Variants in MYT1 observed in about 807,000 individuals in gnomAD.
The protein encoded by MYT1 is myelin transcription factor 1.
MYT1 carries 23 observed loss-of-function variants against 123.0 expected under a neutral mutation model. That is an observed-to-expected ratio of 0.19 (90% CI 0.13 to 0.26). MYT1 has a LOEUF of 0.26. Among genes scored for constraint, MYT1 ranks in the 10% least tolerant of loss-of-function variants. The probability of loss-of-function intolerance (pLI) is 1.00; values close to 1 mark genes in which losing one functional copy is unlikely to be tolerated. For synonymous variants in MYT1, 518 were observed against 575.3 expected (o/e 0.90, Z 1.43); for missense variants, 1,125 against 1,472.5 (o/e 0.76, Z 3.86).
chr20:64,201,963 C>CT (rs1568708133), intron 4 of MYT1, among the ~76,000 whole-genome samples: 2 of 146,658 alleles, frequency 1.4e-5, no homozygotes, highest in Non-Finnish European at 3.0e-5. Flanking sequence ...TGTCGGGAAC[C>CT]CCCGCGTGTC....
chr20:64,223,643 C>T (rs937140475), intron 16 of MYT1, among the ~76,000 whole-genome samples: 3 of 152,268 alleles, frequency 2.0e-5, no homozygotes, highest in African/African-American at 7.2e-5. Context: ...CCCCCACCCT[C>T]CAGCCTCTCC....
At position 64,227,969 on chromosome 20, in the gene MYT1, G is replaced by A. The variant is rs754860402; in HGVS notation, c.2673G>A (p.Met891Ile). The change falls in exon 18 of 23, where the codon ATG becomes ATA. Residue 891 changes from methionine to isoleucine, a missense_variant and splice_region_variant. By Grantham distance (10) the Met-to-Ile change is conservative (BLOSUM62 1). Coordinates refer to ENST00000328439, the MANE Select transcript of MYT1 (RefSeq NM_004535.3). ...ACGACAAGGAGGACCCCGAGCTGAT[G>A]AAGTACGTTGGGCCATGCTGGCTCT... The part of the protein sequence containing the change: ...TKDDKEDPEL[M>I]KCPVPGCVGL... 1.2e-6 allele frequency: 2 copies of A among 1,614,006 alleles called. No homozygotes were observed. The highest frequency in any genetic ancestry group is 2.2e-5 in the South Asian group (2 of 91,078).
At position 64,234,577 on chromosome 20, in the gene MYT1, G is replaced by A. The variant is rs1255543538; in HGVS notation, c.2898-1978G>A. 4.6e-5 allele frequency among the ~76,000 whole-genome samples: 7 copies of A among 152,252 alleles called. No homozygotes were observed. In the South Asian group the frequency reaches 6.2e-4, roughly 14 times the overall value. On this transcript the variant is annotated intron_variant, in intron 19 of 22. Transcript: ENST00000328439. ...GGTGGAACATGCCTTCTGTTAACCC[G>A]TAATGTGTGACCCTGGGCTGGCCGT...
chr20:64,211,465 G>T, intron 8 of MYT1, 125 bp downstream of exon 8: 1 of 1,027,396 alleles, frequency 9.7e-7, no homozygotes, highest in Non-Finnish European at 1.4e-6. Context: ...GGTTTGTCCA[G>T]ATGCTCATCC....
chr20:64,188,882 G>T (rs1982888893), intron 1 of MYT1, among the ~76,000 whole-genome samples: 1 of 152,230 alleles, frequency 6.6e-6, no homozygotes, highest in South Asian at 2.1e-4. Flanking sequence ...GCTCAATGAG[G>T]GGAGGCACAG....
At chr20:64,207,040 C>T (rs1260598589) in intron 6 of MYT1, among the ~76,000 whole-genome samples, 23 of 152,266 alleles carry the variant, frequency 1.5e-4, no homozygotes, top group African/African-American at 2.9e-4. Flanking sequence ...TGCACCACCA[C>T]GCCCAGCTCA....
intron 1 of MYT1, among the ~76,000 whole-genome samples, chr20:64,183,973 G>A (rs540915360): frequency 3.9e-5 from 6 of 152,000 alleles, no homozygotes; most frequent in South Asian, 2.1e-4. Flanking sequence ...GACACGCACC[G>A]CCATACCCAG....
At chr20:64,187,165 T>A (rs1366050547) in intron 1 of MYT1, among the ~76,000 whole-genome samples, 1 of 146,102 alleles carries the variant, frequency 6.8e-6, no homozygotes, top group Non-Finnish European at 1.5e-5. Context: ...AGTTTTCCTG[T>A]AGCCCATGGC....
intron 1 of MYT1, among the ~76,000 whole-genome samples, chr20:64,176,449 T>C (rs1391557704): frequency 3.9e-5 from 6 of 151,936 alleles, no homozygotes; most frequent in Non-Finnish European, 4.4e-5. Flanking sequence ...GCAGCATCTT[T>C]CCCTGTAGTT....
rs934842374 is a variant in MYT1, at chr20:64,221,023, G to A, written c.2242-870G>A. ...CCTCAGGTCACCCCATTTCATAGACGAGCAGCCTGGGAACCCACAACGAGG... is the reference window on the plus strand; with the variant it reads ...CCTCAGGTCACCCCATTTCATAGACAAGCAGCCTGGGAACCCACAACGAGG... On this transcript the variant is annotated intron_variant, in intron 13 of 22. Transcript: ENST00000328439. Among the ~76,000 whole-genome samples the A allele has an allele frequency of 2.0e-5, 3 of 152,276 alleles. No homozygotes were observed. The South Asian group carries it at 6.2e-4, about 32-fold the overall frequency.
In MYT1 at chr20:64,208,014, A is replaced by C. The variant is rs1388336666; in HGVS notation, c.818A>C (p.Glu273Ala). ...EEEEEEEEEE[E>A]DEEEEEEEEE... Reference sequence around the variant, plus strand: ...GAGGAGGAGGAAGAGGAGGAGGAGGAGGATGAAGAAGAGGAAGAGGAAGAG... The same window carrying C: ...GAGGAGGAGGAAGAGGAGGAGGAGGCGGATGAAGAAGAGGAAGAGGAAGAG... Residue 273 changes from glutamate (E) to alanine (A), a missense_variant, in exon 7 of 23, where the codon GAG becomes GCG. Transcript: ENST00000328439. This position sits in a 1 kb window ranked among gnomAD's most constrained non-coding sequence, Gnocchi z 5.4. 1.9e-6 allele frequency: 3 copies of C among 1,598,390 alleles called. No homozygotes were observed. The highest frequency in any genetic ancestry group is 2.3e-5 in the South Asian group (2 of 88,480).
At position 64,223,125 on chromosome 20, in the gene MYT1, G is replaced by A. The variant is rs776617973; in HGVS notation, c.2411G>A (p.Gly804Asp). The A allele has an allele frequency of 6.2e-7, 1 of 1,614,166 alleles. No individual in the cohort carries two copies. The highest frequency in any genetic ancestry group is 1.1e-5 in the South Asian group (1 of 91,072). Residue 804 changes from glycine (G) to aspartate (D), a missense_variant, in exon 15 of 23, where the codon GGC becomes GAC. By Grantham distance (94) the Gly-to-Asp change is moderately conservative. Coordinates refer to ENST00000328439, the MANE Select transcript of MYT1 (RefSeq NM_004535.3). Reference protein sequence around the residue: ...KKELLTCPTPGCDGSGHITGN... With the variant: ...KKELLTCPTPDCDGSGHITGN... ...CCTTTGTCCAGCTGTCCCACCCCTGGCTGTGACGGCAGCGGCCACATCACC... is the reference window on the plus strand; with the variant it reads ...CCTTTGTCCAGCTGTCCCACCCCTGACTGTGACGGCAGCGGCCACATCACC...
intron 1 of MYT1, among the ~76,000 whole-genome samples, chr20:64,183,268 C>A (rs898719839): frequency 1.5e-4 from 23 of 152,312 alleles, no homozygotes; most frequent in African/African-American, 5.3e-4. Context: ...TTCGTATCAC[C>A]CATTCAGCAG....
At chr20:64,238,435 G>A (rs886709073) in intron 21 of MYT1, among the ~76,000 whole-genome samples, 1 of 152,172 alleles carries the variant, frequency 6.6e-6, no homozygotes, top group African/African-American at 2.4e-5. Context: ...CTGGCAAACA[G>A]GCTCATGTTG....
At chr20:64,200,642 T>C (rs919087618) in intron 4 of MYT1, among the ~76,000 whole-genome samples, 1 of 152,190 alleles carries the variant, frequency 6.6e-6, no homozygotes, top group Middle Eastern at 3.2e-3. Flanking sequence ...AGCCCCAGGC[T>C]CTGCGTCAGT....
chr20:64,220,058 C>T (rs906456409), intron 13 of MYT1, 76 bp downstream of exon 13: 19 of 1,408,196 alleles, frequency 1.3e-5, no homozygotes, highest in African/African-American at 2.9e-5. Context: ...GTGATATTGG[C>T]TTTTCAAGGA....
chr20:64,205,227 G>T (rs550947466), intron 5 of MYT1, 130 bp downstream of exon 5: 16 of 1,114,354 alleles, frequency 1.4e-5, no homozygotes, highest in Admixed American at 2.2e-5. Flanking sequence ...CTTCTGCGAG[G>T]CAGCGACCTC....
rs765789619 is a variant in MYT1 at position 64,228,059 on chromosome 20, C to T, written c.2675+88C>T. The T allele has an allele frequency of 1.0e-5, 13 of 1,278,534 alleles. No homozygotes were observed. The Middle Eastern group carries it at 5.5e-4, about 55-fold the overall frequency. The allele number at this position is 1,278,534 out of a possible 1,614,324, so 79.2% of individuals were successfully genotyped here. A position where few individuals can be genotyped will look rare whatever the true frequency, so the allele number is the denominator to read the frequency against. ...AATGTAAAAAAACTCCTACTAGATT[C>T]CCTTTTCATTAATACAACGGGTCAC... On this transcript the variant is annotated intron_variant, in intron 18 of 22. Transcript: ENST00000328439.
At chr20:64,187,385 TC>T (rs1982843070) in intron 1 of MYT1, among the ~76,000 whole-genome samples, 1 of 151,244 alleles carries the variant, frequency 6.6e-6, no homozygotes, top group Non-Finnish European at 1.5e-5. Context: ...TGGAGAGTTT[TC>T]CTGTGGCACG....
Sources: allele counts gnomAD v4.1 joint callset (sites outside exome capture counted in the v4.1 genomes callset), GRCh38; gene constraint gnomAD v4.1.1; non-coding constraint Gnocchi (gnomAD v3.1); transcripts MANE v1.5; gene names NCBI Gene and HGNC (gene_info 2026-07-23, HGNC 2026-07-21).